Variants in ANKFN1 observed in about 807,000 individuals in gnomAD.
The protein encoded by ANKFN1 is ankyrin repeat and fibronectin type-III domain-containing protein 1.
In ANKFN1, 74 loss-of-function variants were observed where a neutral mutation model predicts 108.7. The ratio of observed to expected loss-of-function variants is 0.68; its 90% CI spans 0.56 to 0.83. ANKFN1 has a LOEUF of 0.83. Ranked by LOEUF, ANKFN1 falls within the 40% of genes least tolerant of loss-of-function variation. The pLI, the probability that ANKFN1 is intolerant of heterozygous loss-of-function variation, is 0.00. For missense variants in ANKFN1, 1,505 were observed against 1,382.3 expected (o/e 1.09, Z -1.41); for synonymous variants, 547 against 516.2 (o/e 1.06, Z -0.81).
chr17:56,165,141 C>T (rs369047791), intron 1 of ANKFN1, among the ~76,000 whole-genome samples: 62 of 152,308 alleles, frequency 4.1e-4, no homozygotes, highest in African/African-American at 1.4e-3. Flanking sequence ...GTAACTGCTA[C>T]GTGCCTTTCA....
intron 4 of ANKFN1, among the ~76,000 whole-genome samples, chr17:56,091,367 TTTATCAA>T (rs1430245080): frequency 2.7e-5 from 4 of 150,788 alleles, no homozygotes; most frequent in Non-Finnish European, 1.5e-5. Context: ...ATAGGGTTTA[TTTATCAA>T]TTAAAATTTA....
At chr17:56,174,480 C>G in intron 1 of ANKFN1, 1 of 904,696 alleles carries the variant, frequency 1.1e-6, no homozygotes, top group South Asian at 5.1e-5. Context: ...GGTGCAATTA[C>G]TTGTGCTCCC....
intron 3 of ANKFN1, among the ~76,000 whole-genome samples, chr17:56,320,052 A>G (rs1228189987): frequency 6.6e-6 from 1 of 152,180 alleles, no homozygotes; most frequent in Non-Finnish European, 1.5e-5. Context: ...CAAGCTGATT[A>G]ATCTCTCTGA....
chr17:56,381,650 A>G (rs1005545630), intron 8 of ANKFN1, among the ~76,000 whole-genome samples: 3 of 152,260 alleles, frequency 2.0e-5, no homozygotes, highest in African/African-American at 7.2e-5. Flanking sequence ...CAGAAGCCTC[A>G]GGAGCCGATG....
At chr17:56,206,620 G>A (rs1020499189) in intron 1 of ANKFN1, 2 of 152,170 alleles carry the variant, frequency 1.3e-5, no homozygotes, top group African/African-American at 4.8e-5. Context: ...AAGAGAAAAT[G>A]TTTTTGGTTT....
chr17:56,224,640 T>A (rs1307277813), intron 2 of ANKFN1: 3 of 152,276 alleles, frequency 2.0e-5, no homozygotes, highest in Admixed American at 1.3e-4. Context: ...CAATTGTAGG[T>A]TACAGATGAC....
intron 4 of ANKFN1, among the ~76,000 whole-genome samples, chr17:56,122,521 A>G (rs1906688174): frequency 6.6e-6 from 1 of 152,188 alleles, no homozygotes; most frequent in African/African-American, 2.4e-5. Context: ...CATGTGATAT[A>G]TGAATGGATA....
chr17:56,277,930 AT>A (rs2043976178), intron 3 of ANKFN1, among the ~76,000 whole-genome samples: 1 of 152,224 alleles, frequency 6.6e-6, no homozygotes, highest in Admixed American at 6.5e-5. Context: ...CCTTTTCAAT[AT>A]ATGACTCTAC....
rs139137396 is a variant in ANKFN1 at position 56,353,356 on chromosome 17, C to T, written c.391-480C>T. ...GCAGGAGGTGATCCTCCTGCCTCAA[C>T]CTCCAGAGTAGCTGGGATTACAGGC... is the stretch of plus-strand genomic sequence containing the variant. On this transcript the variant is annotated intron_variant, in intron 5 of 20. Coordinates refer to ENST00000682825, the MANE Select transcript of ANKFN1 (RefSeq NM_001370326.1). Among the ~76,000 whole-genome samples, 906 of 152,032 alleles carry T rather than the reference C, an allele frequency of 6.0e-3. 9 individuals are homozygous for T. Among genetic ancestry groups the T allele is most frequent in the African/African-American group, 0.02 (837 of 41,466 alleles).
At chr17:56,201,781 C>T (rs945335783) in intron 1 of ANKFN1, among the ~76,000 whole-genome samples, 9 of 152,122 alleles carry the variant, frequency 5.9e-5, no homozygotes, top group African/African-American at 1.7e-4. Flanking sequence ...ACTACTCTAG[C>T]GTTTTTAACA....
chr17:56,488,403 C>T (rs1251855734), intron 18 of ANKFN1, among the ~76,000 whole-genome samples: 5 of 151,990 alleles, frequency 3.3e-5, no homozygotes, highest in Admixed American at 1.3e-4. Flanking sequence ...AGTGCCGAGA[C>T]GGATAATGTT....
intron 8 of ANKFN1, among the ~76,000 whole-genome samples, chr17:56,432,039 G>C (rs550048306): frequency 1.3e-5 from 2 of 152,344 alleles, no homozygotes; most frequent in South Asian, 4.1e-4. Flanking sequence ...TTGGCCTGTG[G>C]AAGCGCTGTC....
intron 1 of ANKFN1, among the ~76,000 whole-genome samples, chr17:56,177,413 C>T (rs1425147539): frequency 6.6e-6 from 1 of 152,220 alleles, no homozygotes; most frequent in Non-Finnish European, 1.5e-5. Context: ...GAAAAATCAT[C>T]TCACCTTGGG....
chr17:56,075,288 C>T (rs957188276), intron 4 of ANKFN1, among the ~76,000 whole-genome samples: 2 of 152,132 alleles, frequency 1.3e-5, no homozygotes, highest in African/African-American at 2.4e-5. Flanking sequence ...GTGGAACTAA[C>T]GATGCTTAAC....
chr17:56,215,568 G>C (rs1013344875), intron 2 of ANKFN1, among the ~76,000 whole-genome samples: 5 of 152,194 alleles, frequency 3.3e-5, no homozygotes, highest in African/African-American at 9.7e-5. Context: ...AGGAGCTCAG[G>C]GTAGCCCAAG....
chr17:56,083,342 T>C (rs1424048704), intron 4 of ANKFN1, among the ~76,000 whole-genome samples: 2 of 151,386 alleles, frequency 1.3e-5, no homozygotes, highest in Non-Finnish European at 3.0e-5. Context: ...GTGTTAGACA[T>C]ATGCTTGGGA....
At chr17:56,438,371 C>T (rs937176125) in intron 8 of ANKFN1, among the ~76,000 whole-genome samples, 5 of 152,022 alleles carry the variant, frequency 3.3e-5, no homozygotes, top group Non-Finnish European at 7.4e-5. Context: ...ACTTACAGAA[C>T]AAAGACTTTC....
intron 4 of ANKFN1, among the ~76,000 whole-genome samples, chr17:56,334,391 C>A (rs1288238029): frequency 6.6e-6 from 1 of 152,020 alleles, no homozygotes; most frequent in Non-Finnish European, 1.5e-5. Context: ...TGTATATGTT[C>A]ATTATCTTGA....
At chr17:56,345,305 G>C (rs566719445) in intron 4 of ANKFN1, among the ~76,000 whole-genome samples, 4 of 152,122 alleles carry the variant, frequency 2.6e-5, no homozygotes, top group African/African-American at 9.7e-5. Flanking sequence ...ATGGGCATTT[G>C]GGTTGGTTCC....
Sources: allele counts gnomAD v4.1 joint callset (sites outside exome capture counted in the v4.1 genomes callset), GRCh38; gene constraint gnomAD v4.1.1; transcripts MANE v1.5; gene names NCBI Gene and HGNC (gene_info 2026-07-23, HGNC 2026-07-21).